Variants in IPO8 observed in about 807,000 individuals in gnomAD.
IPO8 encodes importin 8.
Under a neutral mutation model 141.2 loss-of-function variants are expected in IPO8, and 65 were observed. That is an observed-to-expected ratio of 0.46 (90% CI 0.38 to 0.57). IPO8 has a LOEUF of 0.57. IPO8 is among the 20% of genes least tolerant of loss of function. The probability of loss-of-function intolerance (pLI) is 0.00; values close to 1 mark genes in which losing one functional copy is unlikely to be tolerated. For missense variants in IPO8, 980 were observed against 1,246.8 expected (o/e 0.79, Z 3.22); for synonymous variants, 411 against 420.3 (o/e 0.98, Z 0.27).
At position 30,674,090 on chromosome 12, in the gene IPO8, GA is replaced by G; in HGVS notation, c.825-17del. 6.9e-7 allele frequency: 1 copy of G among 1,459,586 alleles called. No homozygotes were observed. The highest frequency in any genetic ancestry group is 9.5e-7 in the Non-Finnish European group (1 of 1,048,462). 90.4% of individuals were successfully genotyped at this position (1,459,586 alleles called of 1,614,324 possible). A position where few individuals can be genotyped will look rare whatever the true frequency, so the allele number is the denominator to read the frequency against. The stretch of plus-strand genomic sequence containing the variant: ...GCTTCCATATCTTAAAATACAAAGA[GA>G]AAATGTACAAATACCGTGAATTTTA... On this transcript the variant is annotated splice_polypyrimidine_tract_variant and intron_variant, in intron 7 of 24. Transcript: ENST00000256079.
Position 30,656,761 on chromosome 12 carries a change from AT to A in IPO8, c.1882-12del, listed in dbSNP as rs2136144264. On this transcript the variant is annotated splice_polypyrimidine_tract_variant and intron_variant, in intron 16 of 24. Transcript: ENST00000256079. ...TAACTGCTGGGTAATCTAAAGATAA[AT>A]GTTAAATATTAAGCTTAAAATTATC... is the stretch of plus-strand genomic sequence containing the variant. 7.5e-7 allele frequency: 1 copy of A among 1,335,736 alleles called. No homozygotes were observed. The highest frequency in any genetic ancestry group is 1.4e-5 in the South Asian group (1 of 69,746). The allele number at this position is 1,335,736 out of a possible 1,614,324, so 82.7% of individuals were successfully genotyped here.
intron 2 of IPO8, among the ~76,000 whole-genome samples, chr12:30,687,123 G>C (rs1287892138): frequency 6.6e-6 from 1 of 151,880 alleles, no homozygotes; most frequent in African/African-American, 2.4e-5. Context: ...AGAAACAAAG[G>C]ACTAATATCA....
intron 24 of IPO8, among the ~76,000 whole-genome samples, 191 bp from the exon 25 acceptor site, chr12:30,631,148 C>T (rs1479917244): frequency 1.3e-5 from 2 of 152,150 alleles, no homozygotes; most frequent in African/African-American, 4.8e-5. Flanking sequence ...GGTATGTTCA[C>T]TACCATCGGA....
At position 30,634,126 on chromosome 12, in the gene IPO8, G is replaced by A; in HGVS notation, c.2856C>T (p.Asp952=). ...AAAACTGATATTCATCCACACTATTGTCAAGGTCAAGTGGAGTACTGAACC... is the reference window on the plus strand; with the variant it reads ...AAAACTGATATTCATCCACACTATTATCAAGGTCAAGTGGAGTACTGAACC... ...LEGFSTPLDL[D]NSVDEYQFFT... is the part of the protein sequence containing the mutation. The change falls in exon 23 of 25, where the codon GAC becomes GAT. Residue 952 remains aspartate (D), a synonymous_variant. Transcript: ENST00000256079. The A allele has an allele frequency of 6.2e-7, 1 of 1,613,904 alleles. No homozygotes were observed. Among genetic ancestry groups the A allele is most frequent in the Non-Finnish European group, 8.5e-7 (1 of 1,179,872 alleles).
intron 17 of IPO8, among the ~76,000 whole-genome samples, chr12:30,654,941 A>T (rs556740635): frequency 6.6e-6 from 1 of 152,262 alleles, no homozygotes; most frequent in African/African-American, 2.4e-5. Context: ...CCAAGATATG[A>T]AAATACCTAA....
chr12:30,660,218 C>A (rs2052866426), intron 16 of IPO8, among the ~76,000 whole-genome samples: 1 of 152,076 alleles, frequency 6.6e-6, no homozygotes, highest in Admixed American at 6.5e-5. Context: ...GTGAGACTGT[C>A]TCAAAAAATT....
intron 21 of IPO8, among the ~76,000 whole-genome samples, chr12:30,638,832 A>G (rs1003597637): frequency 1.3e-5 from 2 of 152,076 alleles, no homozygotes; most frequent in African/African-American, 4.8e-5. Context: ...ACGCCCTGCT[A>G]GCTTTTTTGT....
chr12:30,653,272 T>C (rs1417258320), intron 17 of IPO8, among the ~76,000 whole-genome samples, 180 bp from the exon 18 acceptor site: 2 of 152,058 alleles, frequency 1.3e-5, no homozygotes, highest in Non-Finnish European at 2.9e-5. Flanking sequence ...CTTCCATTTC[T>C]TACCAAGATC....
chr12:30,644,571 G>A (rs1250140552), intron 20 of IPO8, among the ~76,000 whole-genome samples: 4 of 151,806 alleles, frequency 2.6e-5, no homozygotes, highest in African/African-American at 9.7e-5. Flanking sequence ...AGATGGCCAA[G>A]GAAGGAGACA....
At chr12:30,640,395 G>A (rs1341695940) in intron 20 of IPO8, among the ~76,000 whole-genome samples, 2 of 124,104 alleles carry the variant, frequency 1.6e-5, no homozygotes, top group Non-Finnish European at 3.4e-5. Context: ...AAAAATCAAG[G>A]TTTTGTGTAG....
chr12:30,668,434 T>G (rs1208187190), intron 10 of IPO8, among the ~76,000 whole-genome samples: 2 of 152,170 alleles, frequency 1.3e-5, no homozygotes, highest in Non-Finnish European at 2.9e-5. Flanking sequence ...TAGCAATCAT[T>G]TCTTTCAACA....
chr12:30,680,443 T>C (rs1235338988), intron 5 of IPO8, 39 bp downstream of exon 5: 2 of 1,540,758 alleles, frequency 1.3e-6, no homozygotes, highest in Non-Finnish European at 1.8e-6. Context: ...CAGGCAGAAA[T>C]ACAGGACTCC....
At chr12:30,661,705 T>C (rs1172870995) in intron 15 of IPO8, among the ~76,000 whole-genome samples, 1 of 146,358 alleles carries the variant, frequency 6.8e-6, no homozygotes, top group Non-Finnish European at 1.5e-5. Flanking sequence ...TATCAGGAAA[T>C]ACAAACAGAA....
intron 1 of IPO8, among the ~76,000 whole-genome samples, chr12:30,692,667 G>A (rs2053302024): frequency 6.6e-6 from 1 of 152,174 alleles, no homozygotes; most frequent in Non-Finnish European, 1.5e-5. Context: ...CTGCTCCGCT[G>A]CATTAACCTT....
rs749549336 is a variant in IPO8, at chr12:30,690,521, A to G, written c.141T>C (p.His47=). 2 of 1,599,962 alleles carry G rather than the reference A, an allele frequency of 1.3e-6. No homozygotes were observed. The highest frequency in any genetic ancestry group is 1.7e-6 in the Non-Finnish European group (2 of 1,173,360). Residue 47 remains histidine (H), a synonymous_variant, in exon 2 of 25, where the codon CAT becomes CAC. Coordinates refer to ENST00000256079, the MANE Select transcript of IPO8 (RefSeq NM_006390.4). ...CTGCCTGTCGTACTGGGAATTCCAC[A>G]TGGTCAGAGACTATAATCCGAAGTA... ...PSLLRIIVSD[H]VEFPVRQAAA... is the part of the protein sequence containing the mutation.
rs1331016733 is a variant in IPO8, at chr12:30,656,705, C to T, written c.1927G>A (p.Val643Ile). ...ENICLRIIDL[V>I]LQKHVIEFYE... is the part of the protein sequence containing the mutation. ...TTACCAATTACATGTTTCTGCAGAACAAGATCAATGATCCGTAGACAGATA... is the reference window on the plus strand; with the variant it reads ...TTACCAATTACATGTTTCTGCAGAATAAGATCAATGATCCGTAGACAGATA... Residue 643 changes from valine to isoleucine, a missense_variant, in exon 17 of 25, where the codon GTT becomes ATT. Around this residue, in one of 3 missense-constraint regions of IPO8, gnomAD observed 924 missense variants for 1,153.9 expected, o/e 0.80. Transcript: ENST00000256079. The T allele has an allele frequency of 2.6e-6, 4 of 1,562,402 alleles. No individual in the cohort carries two copies. In the South Asian group the frequency reaches 4.8e-5, roughly 19 times the overall value.
At chr12:30,691,094 T>G (rs2053287245) in intron 1 of IPO8, among the ~76,000 whole-genome samples, 1 of 152,192 alleles carries the variant, frequency 6.6e-6, no homozygotes, top group African/African-American at 2.4e-5. Context: ...TCTCAATCTT[T>G]TATTTGACCT....
intron 10 of IPO8, among the ~76,000 whole-genome samples, chr12:30,668,609 T>C (rs754968026): frequency 4.6e-5 from 7 of 152,176 alleles, no homozygotes; most frequent in South Asian, 2.1e-4. Context: ...TGTTAAGTGC[T>C]TGAGTGTTCC....
At chr12:30,644,458 A>G (rs776431918) in intron 20 of IPO8, among the ~76,000 whole-genome samples, 1 of 151,700 alleles carries the variant, frequency 6.6e-6, no homozygotes, top group Non-Finnish European at 1.5e-5. Flanking sequence ...TAATACCCCA[A>G]TAAAGCTTGG....
Sources: allele counts gnomAD v4.1 joint callset (sites outside exome capture counted in the v4.1 genomes callset), GRCh38; gene constraint gnomAD v4.1.1; regional missense constraint gnomAD v4.1.1; transcripts MANE v1.5; gene names NCBI Gene and HGNC (gene_info 2026-07-23, HGNC 2026-07-21).